Variants in TCF7L1 observed in about 807,000 individuals in gnomAD.
The protein encoded by TCF7L1 is transcription factor 7 like 1.
TCF7L1 carries 18 observed loss-of-function variants against 63.7 expected under a neutral mutation model. The observed-to-expected ratio is 0.28, with a 90% CI of 0.20 to 0.42. The LOEUF (loss-of-function observed/expected upper bound fraction) is 0.42, where lower values mean the gene tolerates loss of function less well. Ranked by LOEUF, TCF7L1 falls within the 10% of genes least tolerant of loss-of-function variation. TCF7L1 has a pLI of 1.00. For synonymous variants in TCF7L1, 355 were observed against 340.9 expected (o/e 1.04, Z -0.46); for missense variants, 654 against 779.3 (o/e 0.84, Z 1.91).
intron 3 of TCF7L1, among the ~76,000 whole-genome samples, chr2:85,226,817 T>A (rs1482226022): frequency 1.0e-5 from 1 of 98,250 alleles, no homozygotes; most frequent in Non-Finnish European, 1.8e-5. Context: ...TCCCCCCGCC[T>A]TTTTTTTTTT....
chr2:85,285,966 C>T lies in TCF7L1; in HGVS notation c.525+2388C>T, dbSNP rs1337286870. 4.0e-5 allele frequency among the ~76,000 whole-genome samples: 6 copies of T among 151,342 alleles called. No homozygotes were observed. In the East Asian group the frequency reaches 7.8e-4, roughly 20 times the overall value. ...CAGCACTTTGGGAAGCTGAGGCAGG[C>T]AGATAACCTCAGGTCGAGAGTTCGA... On this transcript the variant is annotated intron_variant, in intron 4 of 11. Transcript: ENST00000282111.
chr2:85,187,481 C>T (rs1346903927), intron 3 of TCF7L1, among the ~76,000 whole-genome samples: 2 of 152,178 alleles, frequency 1.3e-5, no homozygotes, highest in African/African-American at 4.8e-5. Context: ...TTAAGTCTTA[C>T]ATTTAAGATC....
intron 3 of TCF7L1, among the ~76,000 whole-genome samples, chr2:85,223,513 C>T (rs2104303762): frequency 6.6e-6 from 1 of 152,226 alleles, no homozygotes; most frequent in Admixed American, 6.5e-5. Context: ...GGAATAAGGC[C>T]TGATCAAGTG....
intron 3 of TCF7L1, among the ~76,000 whole-genome samples, chr2:85,168,181 T>G (rs892240111): frequency 8.6e-6 from 1 of 115,612 alleles, no homozygotes; most frequent in African/African-American, 3.1e-5. Context: ...TCATGTTAAG[T>G]GTTCTTACCA....
Position 85,302,577 on chromosome 2 carries a change from C to T in TCF7L1, c.619C>T (p.Pro207Ser), listed in dbSNP as rs768014961. ...YSNDHFSPGS[P>S]PTHLSPEIDP... Reference sequence around the variant, plus strand: ...CAATGACCACTTCTCCCCCGGCTCCCCTCCCACCCACCTCTCCCCAGAGAT... The same window carrying T: ...CAATGACCACTTCTCCCCCGGCTCCTCTCCCACCCACCTCTCCCCAGAGAT... The change falls in exon 5 of 12, where the codon CCT (proline) becomes TCT (serine). Residue 207 changes from proline to serine, a missense_variant. Physicochemically the swap from Pro to Ser is moderately conservative, Grantham distance 74. Coordinates refer to ENST00000282111, the MANE Select transcript of TCF7L1 (RefSeq NM_031283.3). 6.3e-7 allele frequency: 1 copy of T among 1,586,852 alleles called. No individual in the cohort carries two copies. The highest frequency in any genetic ancestry group is 8.6e-7 in the Non-Finnish European group (1 of 1,157,478).
At chr2:85,308,469 CCCTCTCCCCCTCCT>C (rs1257713396) in intron 11 of TCF7L1, among the ~76,000 whole-genome samples, 4 of 79,580 alleles carry the variant, frequency 5.0e-5, no homozygotes, top group African/African-American at 6.5e-5. Context: ...CTCTTTCCCT[CCCTCTCCCCCTCCT>C]TCCCTCCCTT....
At chr2:85,283,766 C>A (rs1681478864) in intron 4 of TCF7L1, among the ~76,000 whole-genome samples, 188 bp downstream of exon 4, 1 of 152,196 alleles carries the variant, frequency 6.6e-6, no homozygotes, top group African/African-American at 2.4e-5. Context: ...ACACACCACA[C>A]CGCCTCAGAT....
At chr2:85,280,866 G>A (rs765562162) in intron 3 of TCF7L1, among the ~76,000 whole-genome samples, 5 of 152,134 alleles carry the variant, frequency 3.3e-5, no homozygotes, top group Non-Finnish European at 7.4e-5. Context: ...AGAAGGCTGC[G>A]GGTGGAGAGT....
chr2:85,287,122 G>T lies in TCF7L1; in HGVS notation c.525+3544G>T, dbSNP rs986707204. Among the ~76,000 whole-genome samples, 16 of 152,066 alleles carry T rather than the reference G, an allele frequency of 1.1e-4. No individual in the cohort carries two copies. In the East Asian group the frequency reaches 1.2e-3, roughly 11 times the overall value. ...ACACCTCTGTCACCTCCTTTATTCT[G>T]CCACTCCACTGCAGCCCGGCTTAGC... is the stretch of plus-strand genomic sequence containing the variant. On this transcript the variant is annotated intron_variant, in intron 4 of 11. Transcript: ENST00000282111.
intron 3 of TCF7L1, among the ~76,000 whole-genome samples, chr2:85,180,265 T>C (rs1239320247): frequency 4.6e-5 from 7 of 151,080 alleles, no homozygotes; most frequent in South Asian, 2.1e-4. Flanking sequence ...AGGGTCTTGC[T>C]ATGTTGTATG....
chr2:85,175,607 G>A (rs914650986), intron 3 of TCF7L1, among the ~76,000 whole-genome samples: 7 of 152,204 alleles, frequency 4.6e-5, no homozygotes, highest in African/African-American at 1.4e-4. Flanking sequence ...GTGATTTCCC[G>A]ATGGATCAGG....
At chr2:85,227,852 C>T (rs1250734266) in intron 3 of TCF7L1, among the ~76,000 whole-genome samples, 1 of 151,720 alleles carries the variant, frequency 6.6e-6, no homozygotes, top group Non-Finnish European at 1.5e-5. Flanking sequence ...ATTAGCCAGG[C>T]GTGGTGCCGT....
At chr2:85,243,789 G>A (rs549187637) in intron 3 of TCF7L1, among the ~76,000 whole-genome samples, 64 of 152,240 alleles carry the variant, frequency 4.2e-4, no homozygotes, top group African/African-American at 1.4e-3. Flanking sequence ...AGAAAGGGCC[G>A]GGTATTCATA....
At chr2:85,203,883 A>G (rs1015724851) in intron 3 of TCF7L1, among the ~76,000 whole-genome samples, 1 of 152,200 alleles carries the variant, frequency 6.6e-6, no homozygotes, top group Non-Finnish European at 1.5e-5. Flanking sequence ...CATCCTATAA[A>G]AGCCACAGCA....
intron 3 of TCF7L1, among the ~76,000 whole-genome samples, chr2:85,259,333 A>G (rs1680802524): frequency 6.6e-6 from 1 of 152,220 alleles, no homozygotes; most frequent in South Asian, 2.1e-4. Context: ...AAAGCCCGAT[A>G]AACCCAACCT....
At chr2:85,281,124 A>G (rs1198304568) in intron 3 of TCF7L1, among the ~76,000 whole-genome samples, 1 of 150,544 alleles carries the variant, frequency 6.6e-6, no homozygotes, top group East Asian at 2.0e-4. Flanking sequence ...CCTGGGTTCA[A>G]GTGATTCTTC....
At chr2:85,212,146 CAGG>C (rs1679567813) in intron 3 of TCF7L1, among the ~76,000 whole-genome samples, 1 of 138,532 alleles carries the variant, frequency 7.2e-6, no homozygotes. Context: ...CTCAAAAAAT[CAGG>C]AGGTATGGCA....
intron 3 of TCF7L1, among the ~76,000 whole-genome samples, chr2:85,210,901 A>G (rs1322037528): frequency 1.3e-5 from 2 of 152,170 alleles, no homozygotes; most frequent in African/African-American, 4.8e-5. Context: ...CAACCTGCCT[A>G]AGGGTCACAT....
intron 3 of TCF7L1, among the ~76,000 whole-genome samples, chr2:85,235,179 T>C (rs1169006543): frequency 1.3e-5 from 2 of 152,154 alleles, no homozygotes; most frequent in Admixed American, 6.5e-5. Context: ...TGTTAACCAC[T>C]GGTACCTCTT....
Sources: gnomAD v4.1 joint callset for allele counts (sites outside exome capture counted in the v4.1 genomes callset) on GRCh38, gnomAD v4.1.1 for gene constraint, MANE v1.5 for transcripts, NCBI Gene and HGNC (gene_info 2026-07-23, HGNC 2026-07-21) for gene names.